AFG2B: variants seen among roughly 807,000 people sequenced by gnomAD.
AFG2B encodes the protein ATPase family gene 2 protein homolog B.
chr15:45,407,231 C>A, the AFG2B span: 4 of 1,196,708 alleles, frequency 3.3e-6, no homozygotes, highest in Admixed American at 1.4e-4. Context: ...AAGGTACTGG[C>A]TCCATCTTTT....
At chr15:45,420,931 G>A in the AFG2B span, 1 of 1,013,160 alleles carries the variant, frequency 9.9e-7, no homozygotes, top group Non-Finnish European at 1.4e-6. Flanking sequence ...GACGGAGGTT[G>A]CAGTGAGTCC....
At chr15:45,405,965 A>G in the AFG2B span, among the ~76,000 whole-genome samples, 1 of 152,056 alleles carries the variant, frequency 6.6e-6, no homozygotes, top group Non-Finnish European at 1.5e-5. Flanking sequence ...ATATATATAC[A>G]TATATATAAT....
At chr15:45,403,350 C>G in the AFG2B span, 1 of 1,608,762 alleles carries the variant, frequency 6.2e-7, no homozygotes, top group African/African-American at 1.3e-5. Context: ...AGATGGACGC[C>G]TTGTGTCCCC....
chr15:45,421,302 A>G, the AFG2B span: 11 of 882,460 alleles, frequency 1.2e-5, no homozygotes, highest in Non-Finnish European at 1.8e-5. Context: ...TTGTGTTTAT[A>G]TTTCCTGTAA....
At chr15:45,419,688 C>A in the AFG2B span, among the ~76,000 whole-genome samples, 1 of 151,900 alleles carries the variant, frequency 6.6e-6, no homozygotes, top group African/African-American at 2.4e-5. Flanking sequence ...TCCTTTGGGC[C>A]CTTTCCCAAC....
At chr15:45,403,614 A>T in the AFG2B span, 2 of 1,501,492 alleles carry the variant, frequency 1.3e-6, no homozygotes, top group Non-Finnish European at 1.8e-6. Flanking sequence ...CTTAGGTTTG[A>T]GCATCGGTGA....
chr15:45,415,953 T>C, the AFG2B span: 2 of 532,486 alleles, frequency 3.8e-6, no homozygotes, highest in African/African-American at 3.9e-5. Context: ...TTAGAGCTAA[T>C]AAAAATTGTG....
chr15:45,416,901 G>T, the AFG2B span: 1 of 157,016 alleles, frequency 6.4e-6, no homozygotes, highest in African/African-American at 2.4e-5. Context: ...ATCTCCACCG[G>T]TTGGTCATAA....
the AFG2B span, chr15:45,414,817 G>T: frequency 6.4e-7 from 1 of 1,551,168 alleles, no homozygotes; most frequent in Non-Finnish European, 8.9e-7. Context: ...ATTTACTTTT[G>T]AATTTTTATT....
chr15:45,408,988 A>G, the AFG2B span, among the ~76,000 whole-genome samples: 3 of 152,194 alleles, frequency 2.0e-5, no homozygotes, highest in Admixed American at 1.3e-4. Context: ...TTTAATTCCA[A>G]TATTCCCTCT....
the AFG2B span, chr15:45,407,091 G>A: frequency 4.7e-6 from 6 of 1,289,090 alleles, no homozygotes; most frequent in Admixed American, 4.6e-5. Context: ...TCGTCCCAGG[G>A]TGGAGCCCAC....
chr15:45,411,697 T>C, the AFG2B span, among the ~76,000 whole-genome samples: 1 of 152,034 alleles, frequency 6.6e-6, no homozygotes, highest in Non-Finnish European at 1.5e-5. Context: ...ACTTGAGGCT[T>C]GACCCCAGGA....
At chr15:45,419,987 C>CCA in the AFG2B span, among the ~76,000 whole-genome samples, 1 of 56,144 alleles carries the variant, frequency 1.8e-5, no homozygotes, top group East Asian at 4.5e-3. Flanking sequence ...AAGACTCTGT[C>CCA]CCCCCCCCCC....
chr15:45,418,964 T>G, the AFG2B span, among the ~76,000 whole-genome samples: 1 of 152,176 alleles, frequency 6.6e-6, no homozygotes, highest in African/African-American at 2.4e-5. Context: ...AGCCCAGATT[T>G]GGCACATCAG....
chr15:45,419,454 T>C, the AFG2B span, among the ~76,000 whole-genome samples: 6 of 150,948 alleles, frequency 4.0e-5, no homozygotes, highest in African/African-American at 1.5e-4. Context: ...AGAGTGAGAC[T>C]CTGTCTCTTA....
the AFG2B span, chr15:45,407,008 A>G: frequency 7.8e-7 from 1 of 1,288,420 alleles, no homozygotes; most frequent in Non-Finnish European, 1.0e-6. Context: ...ATTTACATTC[A>G]GGATTTCCTC....
the AFG2B span, chr15:45,414,528 A>ATTAT: frequency 6.4e-7 from 1 of 1,565,266 alleles, no homozygotes. Flanking sequence ...ATGACATTTT[A>ATTAT]TTATTATACT....
the AFG2B span, chr15:45,403,649 T>C: frequency 8.7e-7 from 1 of 1,150,204 alleles, no homozygotes; most frequent in Non-Finnish European, 1.2e-6. Context: ...CTCTTTGCAA[T>C]GCAGAGAACA....
chr15:45,405,094 A>G, the AFG2B span, among the ~76,000 whole-genome samples: 1 of 152,040 alleles, frequency 6.6e-6, no homozygotes, highest in Non-Finnish European at 1.5e-5. Context: ...ATTATTGTTA[A>G]CTATAGTCAC....
Sources: allele counts gnomAD v4.1 joint callset (sites outside exome capture counted in the v4.1 genomes callset), GRCh38; gene constraint gnomAD v4.1.1; transcripts MANE v1.5; gene names NCBI Gene and HGNC (gene_info 2026-07-23, HGNC 2026-07-21).